Variants in P2RY14 observed in about 807,000 individuals in gnomAD.
P2RY14 encodes P2Y purinoceptor 14.
P2RY14 carries 2 observed loss-of-function variants against 0.9 expected under a neutral mutation model. The observed-to-expected ratio is 2.16, with a 90% CI of 0.88 to 6.79. The LOEUF is 6.79. P2RY14 is among the 30% of genes most tolerant of loss of function. The pLI, the probability that P2RY14 is intolerant of heterozygous loss-of-function variation, is 0.05. For synonymous variants in P2RY14, 158 were observed against 147.2 expected, an observed-to-expected ratio of 1.07 and a Z score of -0.53; for missense variants, 378 against 400.1, an observed-to-expected ratio of 0.94 and a Z score of 0.47.
chr3:151,246,218 G>T (rs2149415377), intron 1 of P2RY14, among the ~76,000 whole-genome samples: 1 of 152,296 alleles, frequency 6.6e-6, no homozygotes, highest in Admixed American at 6.5e-5. Flanking sequence ...TAGATTCAAT[G>T]CCATCCCCAT....
intron 1 of P2RY14, among the ~76,000 whole-genome samples, chr3:151,255,398 GAGT>G (rs1490868555): frequency 2.0e-5 from 3 of 151,912 alleles, no homozygotes; most frequent in East Asian, 3.9e-4. Flanking sequence ...GCATCCAGTA[GAGT>G]AGACGGAAAG....
rs1464332168 is a variant in P2RY14 at position 151,259,295 on chromosome 3, A to G, written c.-133+18992T>C. 3.3e-5 allele frequency among the ~76,000 whole-genome samples: 5 copies of G among 152,210 alleles called. No individual in the cohort carries two copies. The East Asian group carries it at 7.7e-4, about 23-fold the overall frequency. On this transcript the variant is annotated intron_variant, in intron 1 of 2. Transcript: ENST00000309170. ...ATAGGCACTCCTTTTGAACTATGCT[A>G]TATTTTTCTTAAAGCCTTTAAGATT...
chr3:151,248,396 G>C (rs996369464), intron 1 of P2RY14, among the ~76,000 whole-genome samples: 1 of 152,076 alleles, frequency 6.6e-6, no homozygotes, highest in Admixed American at 6.6e-5. Context: ...TTCATTATTT[G>C]TAGAGTTTTA....
chr3:151,242,112 C>T (rs1388992606), intron 1 of P2RY14, among the ~76,000 whole-genome samples: 2 of 152,216 alleles, frequency 1.3e-5, no homozygotes, highest in African/African-American at 2.4e-5. Context: ...GCACCTGGCT[C>T]GGAGGGTCCT....
chr3:151,234,396 G>A (rs965364430), intron 1 of P2RY14, among the ~76,000 whole-genome samples: 2 of 152,196 alleles, frequency 1.3e-5, no homozygotes, highest in African/African-American at 2.4e-5. Context: ...ACGTTGTAGA[G>A]CTGAGATTTG....
intron 1 of P2RY14, among the ~76,000 whole-genome samples, chr3:151,237,980 A>G (rs11717955): frequency 0.29 from 43,918 of 151,968 alleles, 6,770 homozygotes; most frequent in East Asian, 0.49. Context: ...TAGGCTTTCT[A>G]GATTGTGACT....
intron 1 of P2RY14, among the ~76,000 whole-genome samples, chr3:151,242,106 C>G (rs932956829): frequency 8.5e-5 from 13 of 152,360 alleles, no homozygotes; most frequent in African/African-American, 3.1e-4. Context: ...TATCCCGCAC[C>G]TGGCTCGGAG....
rs74681064 is a variant in P2RY14, at chr3:151,262,254, A to G, written c.-133+16033T>C. ...TGGTTTCAGGATGTATCCCATCAGA[A>G]GTATTAGATTTTAAGTCACACTAGT... On this transcript the variant is annotated intron_variant, in intron 1 of 2. Transcript: ENST00000309170. 6.9e-3 allele frequency among the ~76,000 whole-genome samples: 1,057 copies of G among 152,318 alleles called. 12 individuals carry two copies. Among genetic ancestry groups the G allele is most frequent in the African/African-American group, 0.024 (985 of 41,576 alleles).
At chr3:151,263,986 C>T (rs777992319) in intron 1 of P2RY14, among the ~76,000 whole-genome samples, 1 of 152,226 alleles carries the variant, frequency 6.6e-6, no homozygotes, top group Non-Finnish European at 1.5e-5. Flanking sequence ...ACCACCACTC[C>T]TTCCCTCTCC....
At chr3:151,266,381 A>G (rs16863287) in intron 1 of P2RY14, among the ~76,000 whole-genome samples, 41,121 of 152,168 alleles carry the variant, frequency 0.27, 5,809 homozygotes, top group South Asian at 0.31. Flanking sequence ...TTTTAGGATC[A>G]CATTTACAGT....
Position 151,219,532 on chromosome 3 carries a change from TA to T in P2RY14, c.-25+2del. 1 of 152,194 alleles carries T rather than the reference TA, an allele frequency of 6.6e-6. No homozygotes were observed. The highest frequency in any genetic ancestry group is 1.5e-5 in the Non-Finnish European group (1 of 68,018). 9.4% of individuals were successfully genotyped at this position (152,194 alleles called of 1,614,324 possible). A position where few individuals can be genotyped will look rare whatever the true frequency, so the allele number is the denominator to read the frequency against. ...ATAATACTTGAGGGATTTAAAAAAT[TA>T]CCTTTTAAGATTTTTTTTGCATAAT... is the stretch of plus-strand genomic sequence containing the variant. On this transcript the variant is annotated splice_donor_variant, in intron 2 of 2. Coordinates refer to ENST00000309170, the MANE Select transcript of P2RY14 (RefSeq NM_014879.4). LOFTEE classifies it low-confidence loss of function (5UTR_SPLICE).
intron 1 of P2RY14, among the ~76,000 whole-genome samples, chr3:151,235,568 C>T (rs1732576529): frequency 6.6e-6 from 1 of 151,930 alleles, no homozygotes; most frequent in Non-Finnish European, 1.5e-5. Flanking sequence ...GCTGGGCGTG[C>T]CTGTAATCCC....
At chr3:151,216,760 G>A (rs1181705637) in intron 2 of P2RY14, among the ~76,000 whole-genome samples, 1 of 152,044 alleles carries the variant, frequency 6.6e-6, no homozygotes, top group East Asian at 1.9e-4. Context: ...CTCCTTATGA[G>A]CCTGTTTCAT....
chr3:151,224,364 T>C (rs1730051706), intron 1 of P2RY14, among the ~76,000 whole-genome samples: 1 of 152,242 alleles, frequency 6.6e-6, no homozygotes, highest in South Asian at 2.1e-4. Flanking sequence ...ATAGTATAGA[T>C]GTATGTAATC....
intron 1 of P2RY14, among the ~76,000 whole-genome samples, chr3:151,272,841 TTTG>T (rs1741207451): frequency 1.3e-5 from 2 of 152,298 alleles, no homozygotes; most frequent in South Asian, 2.1e-4. Flanking sequence ...GGTGGTTATT[TTTG>T]TTCTGTTTTC....
chr3:151,220,580 T>A (rs1230091966), intron 1 of P2RY14, among the ~76,000 whole-genome samples: 1 of 152,208 alleles, frequency 6.6e-6, no homozygotes, highest in African/African-American at 2.4e-5. Context: ...TGGGTCTTTC[T>A]GTGCTGTTCT....
intron 1 of P2RY14, chr3:151,269,630 T>A: frequency 2.6e-6 from 1 of 382,290 alleles, no homozygotes; most frequent in South Asian, 2.3e-5. Context: ...AAAGAGGCAC[T>A]GTATTATTTG....
chr3:151,248,920 G>A (rs1203715661), intron 1 of P2RY14: 4 of 152,220 alleles, frequency 2.6e-5, no homozygotes, highest in African/African-American at 9.7e-5. Flanking sequence ...GCAACTGAGT[G>A]TAGCATTTGA....
At chr3:151,249,200 G>C (rs1229449542) in intron 1 of P2RY14, 1 of 152,168 alleles carries the variant, frequency 6.6e-6, no homozygotes, top group African/African-American at 2.4e-5. Flanking sequence ...AACCAGCTGT[G>C]AAAAGGGAGA....
Sources: allele counts gnomAD v4.1 joint callset (sites outside exome capture counted in the v4.1 genomes callset), GRCh38; gene constraint gnomAD v4.1.1; transcripts MANE v1.5; gene names NCBI Gene and HGNC (gene_info 2026-07-23, HGNC 2026-07-21).